KCNH5: variants seen among roughly 807,000 people sequenced by gnomAD.
The protein encoded by KCNH5 is voltage-gated delayed rectifier potassium channel KCNH5.
KCNH5 carries 46 observed loss-of-function variants against 96.1 expected under a neutral mutation model. That is an observed-to-expected ratio of 0.48 (90% CI 0.38 to 0.61). KCNH5 has a LOEUF of 0.61. KCNH5 is among the 20% of genes least tolerant of loss of function. KCNH5 has a pLI of 0.00. For synonymous variants in KCNH5, 439 were observed against 449.8 expected (o/e 0.98, Z 0.30); for missense variants, 907 against 1,225.8 (o/e 0.74, Z 3.88).
At chr14:62,795,773 CAG>C (rs1244135058) in intron 9 of KCNH5, among the ~76,000 whole-genome samples, 1 of 151,932 alleles carries the variant, frequency 6.6e-6, no homozygotes, top group Non-Finnish European at 1.5e-5. Flanking sequence ...GGAGGATAAA[CAG>C]GGGAAGGATA....
chr14:62,981,375 C>T, intron 5 of KCNH5, 111 bp from the exon 6 acceptor site: 2 of 1,026,880 alleles, frequency 1.9e-6, no homozygotes, highest in Non-Finnish European at 2.9e-6. Flanking sequence ...CACAGTCTTG[C>T]CTCCCTCTTC....
chr14:62,928,956 C>A (rs1889528205), intron 7 of KCNH5, among the ~76,000 whole-genome samples: 1 of 152,022 alleles, frequency 6.6e-6, no homozygotes, highest in South Asian at 2.1e-4. Context: ...TCAACAATTC[C>A]AGAATGTATG....
At chr14:62,824,619 C>A (rs930770356) in intron 8 of KCNH5, among the ~76,000 whole-genome samples, 13 of 151,910 alleles carry the variant, frequency 8.6e-5, no homozygotes, top group Non-Finnish European at 1.0e-4. Flanking sequence ...TTACTTTATT[C>A]TTTTCTACTT....
chr14:62,880,239 A>G (rs1888465461), intron 7 of KCNH5, among the ~76,000 whole-genome samples: 1 of 152,198 alleles, frequency 6.6e-6, no homozygotes, highest in African/African-American at 2.4e-5. Flanking sequence ...GCACTAGAAA[A>G]GACAGTTCAT....
At chr14:63,015,340 T>C (rs981603361) in intron 2 of KCNH5, among the ~76,000 whole-genome samples, 3 of 152,022 alleles carry the variant, frequency 2.0e-5, no homozygotes, top group African/African-American at 7.2e-5. Context: ...GATTGCTATG[T>C]GCAGTCAGGT....
chr14:62,734,609 C>T (rs1268848831), intron 10 of KCNH5, among the ~76,000 whole-genome samples: 1 of 152,048 alleles, frequency 6.6e-6, no homozygotes, highest in African/African-American at 2.4e-5. Flanking sequence ...AGCATTATGC[C>T]TTCTCCACTA....
intron 7 of KCNH5, among the ~76,000 whole-genome samples, chr14:62,878,583 A>G (rs1176798785): frequency 6.6e-6 from 1 of 152,174 alleles, no homozygotes; most frequent in East Asian, 1.9e-4. Flanking sequence ...ATGAGAAAAT[A>G]TACAAAATAT....
In KCNH5 at chr14:62,802,240, A is replaced by T. The variant is rs1316936962; in HGVS notation, c.1822+89T>A. 7 of 1,372,548 alleles carry T rather than the reference A, an allele frequency of 5.1e-6. No individual in the cohort carries two copies. The East Asian group carries it at 1.6e-4, about 32-fold the overall frequency. The allele number at this position is 1,372,548 out of a possible 1,614,324, so 85.0% of individuals were successfully genotyped here. A position where few individuals can be genotyped will look rare whatever the true frequency, so the allele number is the denominator to read the frequency against. Reference sequence around the variant, plus strand: ...GACCCAATTTCCAAAGTTACCAAACAAAGGAAATTTCTCTTTAAAAATGCG... The same window carrying T: ...GACCCAATTTCCAAAGTTACCAAACTAAGGAAATTTCTCTTTAAAAATGCG... On this transcript the variant is annotated intron_variant, in intron 9 of 10. Transcript: ENST00000322893.
chr14:62,884,652 G>A lies in KCNH5; in HGVS notation c.1370-34800C>T, dbSNP rs530914076. ...AAAAAAGAAAGAAAGAAAAAAACTA[G>A]TCTTTCCATGTATACAGCTTTGAGA... On this transcript the variant is annotated intron_variant, in intron 7 of 10. Transcript: ENST00000322893. 3.3e-5 allele frequency among the ~76,000 whole-genome samples: 5 copies of A among 152,142 alleles called. No individual in the cohort carries two copies. In the East Asian group the frequency reaches 5.8e-4, roughly 18 times the overall value.
rs546443323 is a variant in KCNH5 at position 62,834,507 on chromosome 14, A to T, written c.1569+15146T>A. 2.6e-5 allele frequency among the ~76,000 whole-genome samples: 4 copies of T among 152,124 alleles called. No homozygotes were observed. The South Asian group carries it at 8.3e-4, about 32-fold the overall frequency. ...GAATATATAAGTGAACTTCTGTATC[A>T]TACTTCAGATTTTGATGAGCCTCAT... On this transcript the variant is annotated intron_variant, in intron 8 of 10. Transcript: ENST00000322893.
chr14:62,805,976 C>G (rs1886758925), intron 8 of KCNH5, among the ~76,000 whole-genome samples: 1 of 152,098 alleles, frequency 6.6e-6, no homozygotes, highest in Non-Finnish European at 1.5e-5. Context: ...TTAAGGCATT[C>G]TAAGTCACAG....
At chr14:62,766,040 A>T (rs1426534471) in intron 10 of KCNH5, among the ~76,000 whole-genome samples, 3 of 152,222 alleles carry the variant, frequency 2.0e-5, no homozygotes, top group African/African-American at 7.2e-5. Flanking sequence ...AGATTTGAAA[A>T]GACATTTTTC....
In KCNH5 at chr14:62,802,628, C is replaced by A. The variant is rs376263043; in HGVS notation, c.1570-47G>T. The A allele has an allele frequency of 1.4e-5, 23 of 1,593,152 alleles. No homozygotes were observed. In the East Asian group the frequency reaches 2.2e-4, roughly 16 times the overall value. On this transcript the variant is annotated intron_variant, in intron 8 of 10. Transcript: ENST00000322893. The stretch of plus-strand genomic sequence containing the variant: ...TAAGTGAAAAGGAAAGAGGAAGGGG[C>A]CACTTCAGAAAAACAATCATCCAAC...
At chr14:62,804,176 C>T (rs1226959640) in intron 8 of KCNH5, among the ~76,000 whole-genome samples, 1 of 152,084 alleles carries the variant, frequency 6.6e-6, no homozygotes, top group African/African-American at 2.4e-5. Flanking sequence ...ATACATTTCA[C>T]ATTATTTAAT....
chr14:62,865,744 G>A (rs74610554), intron 7 of KCNH5, among the ~76,000 whole-genome samples: 2,778 of 152,212 alleles, frequency 0.018, 82 homozygotes, highest in African/African-American at 0.063. Flanking sequence ...CAAATGTATT[G>A]AAGACAAGAA....
chr14:62,811,644 C>A (rs555933667), intron 8 of KCNH5, among the ~76,000 whole-genome samples: 11 of 151,652 alleles, frequency 7.3e-5, no homozygotes, highest in Non-Finnish European at 1.5e-4. Context: ...TAAATAATAA[C>A]CAGAAATAGT....
chr14:62,877,088 A>G (rs1419521990), intron 7 of KCNH5, among the ~76,000 whole-genome samples: 1 of 152,176 alleles, frequency 6.6e-6, no homozygotes, highest in East Asian at 1.9e-4. Context: ...CCATTGATCT[A>G]TATCTCTGGA....
chr14:62,930,547 C>A (rs1359761571), intron 7 of KCNH5, among the ~76,000 whole-genome samples: 2 of 152,162 alleles, frequency 1.3e-5, no homozygotes, highest in East Asian at 3.9e-4. Context: ...TCATCAAAGG[C>A]ACATATGTTC....
intron 10 of KCNH5, among the ~76,000 whole-genome samples, chr14:62,729,751 T>G (rs1188211631): frequency 6.6e-6 from 1 of 152,216 alleles, no homozygotes; most frequent in East Asian, 1.9e-4. Flanking sequence ...GGCTGAGCTC[T>G]AGCTAAGGGA....
Sources: allele counts gnomAD v4.1 joint callset (sites outside exome capture counted in the v4.1 genomes callset), GRCh38; gene constraint gnomAD v4.1.1; transcripts MANE v1.5; gene names NCBI Gene and HGNC (gene_info 2026-07-23, HGNC 2026-07-21).